The following PLEKHA7 variants were observed in gnomAD, a reference collection of about 807,000 sequenced individuals.
PLEKHA7 encodes pleckstrin homology domain containing A7, also known as pleckstrin homology domain-containing family A member 7.
PLEKHA7 carries 104 observed loss-of-function variants against 170.0 expected under a neutral mutation model. The ratio of observed to expected loss-of-function variants is 0.61; its 90% CI spans 0.52 to 0.72. PLEKHA7 has a LOEUF of 0.72. Ranked by LOEUF, PLEKHA7 falls within the 30% of genes least tolerant of loss-of-function variation. The probability of loss-of-function intolerance (pLI) is 0.00; values close to 1 mark genes in which losing one functional copy is unlikely to be tolerated. For synonymous variants in PLEKHA7, 648 were observed against 660.8 expected (o/e 0.98, Z 0.30); for missense variants, 1,615 against 1,671.7 (o/e 0.97, Z 0.59).
At chr11:16,825,028 A>C (rs1248059329) in intron 10 of PLEKHA7, among the ~76,000 whole-genome samples, 1 of 152,236 alleles carries the variant, frequency 6.6e-6, no homozygotes, top group Non-Finnish European at 1.5e-5. Context: ...AAGGTGTCTT[A>C]GCTACAGCAC....
intron 3 of PLEKHA7, among the ~76,000 whole-genome samples, chr11:16,929,632 C>G (rs2136315006): frequency 6.6e-6 from 1 of 152,344 alleles, no homozygotes; most frequent in Non-Finnish European, 1.5e-5. Context: ...CCCCTACTTT[C>G]CTTTTAGGGG....
intron 3 of PLEKHA7, among the ~76,000 whole-genome samples, chr11:16,899,494 A>G (rs1420396615): frequency 6.6e-6 from 1 of 152,198 alleles, no homozygotes; most frequent in Non-Finnish European, 1.5e-5. Context: ...GCGAAACTCC[A>G]TCTCAAAACA....
At chr11:16,850,971 A>G (rs1852892657) in intron 8 of PLEKHA7, among the ~76,000 whole-genome samples, 1 of 152,206 alleles carries the variant, frequency 6.6e-6, no homozygotes, top group African/African-American at 2.4e-5. Context: ...GAGGGGTCTG[A>G]ATACTTGAAC....
intron 9 of PLEKHA7, among the ~76,000 whole-genome samples, chr11:16,839,169 A>G (rs892993652): frequency 6.6e-6 from 1 of 152,174 alleles, no homozygotes; most frequent in African/African-American, 2.4e-5. Flanking sequence ...CCATATGAGT[A>G]AAAATTAAAG....
At chr11:17,013,006 A>C (rs1214454345) in intron 3 of PLEKHA7, 1 of 88,652 alleles carries the variant, frequency 1.1e-5, no homozygotes, top group African/African-American at 3.6e-5. Context: ...GCCGAGGTAC[A>C]CCCAGTCAGT....
At chr11:16,959,792 G>A (rs1861931555) in intron 3 of PLEKHA7, among the ~76,000 whole-genome samples, 1 of 152,160 alleles carries the variant, frequency 6.6e-6, no homozygotes, top group African/African-American at 2.4e-5. Flanking sequence ...TGTGGTTCCT[G>A]GCTAAAGCTC....
rs531100505 is a variant in PLEKHA7 at position 16,778,733 on chromosome 11, G to C, written c.*265C>G. 6.7e-5 allele frequency: 36 copies of C among 536,486 alleles called. No individual in the cohort carries two copies. Among genetic ancestry groups the C allele is most frequent in the Non-Finnish European group, 9.7e-5 (29 of 298,014 alleles). The allele number at this position is 536,486 out of a possible 1,614,324, so 33.2% of individuals were successfully genotyped here. On this transcript the variant is annotated 3_prime_UTR_variant, in exon 27 of 27. Coordinates refer to ENST00000531066, the MANE Select transcript of PLEKHA7 (RefSeq NM_001329630.2). ...CCCTTGAGGGGAACATTAGAAAATA[G>C]ATTCCGATTCTAAAATACAGTGTAT...
At position 16,945,391 on chromosome 11, in the gene PLEKHA7, T is replaced by C. The variant is rs574502811; in HGVS notation, c.221+68598A>G. The stretch of plus-strand genomic sequence containing the variant: ...TAATAGTGTGTTTACTGTGTTGGCC[T>C]ACCCTTCACACAGGTGTCTCTCCTC... On this transcript the variant is annotated intron_variant, in intron 3 of 26. Transcript: ENST00000531066. Among the ~76,000 whole-genome samples the C allele has an allele frequency of 1.8e-4, 28 of 152,386 alleles. 1 individual carries two copies. In the South Asian group the frequency reaches 5.6e-3, roughly 30 times the overall value.
At chr11:16,972,887 T>C (rs1239337695) in intron 3 of PLEKHA7, among the ~76,000 whole-genome samples, 1 of 152,200 alleles carries the variant, frequency 6.6e-6, no homozygotes, top group Non-Finnish European at 1.5e-5. Context: ...CACCTTGACA[T>C]AATAAAACAA....
rs530241350 is a variant in PLEKHA7, at chr11:17,008,966, A to G, written c.221+5023T>C. On this transcript the variant is annotated intron_variant, in intron 3 of 26. Coordinates refer to ENST00000531066, the MANE Select transcript of PLEKHA7 (RefSeq NM_001329630.2). ...AATCAATGTCTTCAATTTCTTACTA[A>G]TCAGAGACATGTACCACCCCTAATC... Among the ~76,000 whole-genome samples the G allele has an allele frequency of 1.2e-4, 19 of 152,274 alleles. No individual in the cohort carries two copies. In the South Asian group the frequency reaches 3.9e-3, roughly 32 times the overall value.
At chr11:16,926,552 C>T (rs370042956) in intron 3 of PLEKHA7, among the ~76,000 whole-genome samples, 1 of 152,178 alleles carries the variant, frequency 6.6e-6, no homozygotes, top group Middle Eastern at 3.4e-3. Context: ...ACCATTGTTG[C>T]GAGGGGATTA....
chr11:16,966,286 ATGTATGTGTGTGTGTG>A (rs1343027978), intron 3 of PLEKHA7, among the ~76,000 whole-genome samples: 14 of 111,058 alleles, frequency 1.3e-4, no homozygotes, highest in African/African-American at 4.2e-4. Context: ...ATGGTTGTGC[ATGTATGTGTGTGTGTG>A]TGTGTGTGTG....
At chr11:16,884,075 A>AT (rs1855898054) in intron 3 of PLEKHA7, among the ~76,000 whole-genome samples, 1 of 125,944 alleles carries the variant, frequency 7.9e-6, no homozygotes, top group African/African-American at 2.6e-5. Context: ...CTTTACATAT[A>AT]TATCTTGGAC....
chr11:16,813,356 G>A (rs570954315), intron 12 of PLEKHA7, 190 bp from the exon 13 acceptor site: 29 of 470,974 alleles, frequency 6.2e-5, no homozygotes, highest in South Asian at 8.6e-5. Context: ...TCAGCAGGGC[G>A]GATCTTGCAG....
At chr11:16,802,307 G>A (rs143543979) in intron 15 of PLEKHA7, among the ~76,000 whole-genome samples, 427 of 152,308 alleles carry the variant, frequency 2.8e-3, no homozygotes, top group Non-Finnish European at 4.8e-3. Flanking sequence ...CCAGATCCTA[G>A]GAGACAAGGA....
chr11:16,989,774 G>A (rs1214341625), intron 3 of PLEKHA7, among the ~76,000 whole-genome samples: 2 of 152,198 alleles, frequency 1.3e-5, no homozygotes, highest in African/African-American at 4.8e-5. Flanking sequence ...GCTACAAGAA[G>A]ACAGGTGCCT....
chr11:16,998,948 C>T (rs1270726646), intron 3 of PLEKHA7, among the ~76,000 whole-genome samples: 2 of 142,512 alleles, frequency 1.4e-5, no homozygotes, highest in South Asian at 2.4e-4. Flanking sequence ...CCTCACCATA[C>T]AATCCCCCAC....
chr11:16,892,805 T>C (rs1476352855), intron 3 of PLEKHA7, among the ~76,000 whole-genome samples: 1 of 152,098 alleles, frequency 6.6e-6, no homozygotes, highest in Non-Finnish European at 1.5e-5. Flanking sequence ...AATATCTATG[T>C]TGAACTTTGT....
At chr11:16,860,050 T>C (rs776917482) in intron 4 of PLEKHA7, among the ~76,000 whole-genome samples, 8 of 152,220 alleles carry the variant, frequency 5.3e-5, no homozygotes, top group Non-Finnish European at 8.8e-5. Flanking sequence ...GGGCTGAAGA[T>C]GAAAACAGTG....
Sources: gnomAD v4.1 joint callset for allele counts (sites outside exome capture counted in the v4.1 genomes callset) on GRCh38, gnomAD v4.1.1 for gene constraint, MANE v1.5 for transcripts, NCBI Gene and HGNC (gene_info 2026-07-23, HGNC 2026-07-21) for gene names.